The following GAS7 variants were observed in gnomAD, a reference collection of about 807,000 sequenced individuals.
GAS7 encodes growth arrest-specific protein 7.
GAS7 carries 28 observed loss-of-function variants against 71.1 expected under a neutral mutation model. That is an observed-to-expected ratio of 0.39 (90% confidence interval 0.29 to 0.54). The LOEUF (loss-of-function observed/expected upper bound fraction) is 0.54. Ranked by LOEUF, GAS7 falls within the 20% of genes least tolerant of loss-of-function variation. GAS7 has a pLI of 0.62. For synonymous variants in GAS7, 258 were observed against 245.8 expected (o/e 1.05, Z -0.46); for missense variants, 436 against 627.8 (o/e 0.69, Z 3.27).
chr17:10,081,376 G>A (rs553351379), intron 1 of GAS7, among the ~76,000 whole-genome samples: 18 of 152,182 alleles, frequency 1.2e-4, no homozygotes, highest in Non-Finnish European at 2.5e-4. Context: ...GGCTGGTCTC[G>A]AACTCCTGAC....
chr17:10,109,096 T>C (rs1337782883), intron 1 of GAS7, among the ~76,000 whole-genome samples: 1 of 151,678 alleles, frequency 6.6e-6, no homozygotes, highest in East Asian at 1.9e-4. Context: ...ATAGCCAGAA[T>C]ATACAAGGAA....
rs570737444 is a variant in GAS7 at position 10,061,826 on chromosome 17, C to G, written c.184-41929G>C. Among the ~76,000 whole-genome samples, 3 of 152,252 alleles carry G rather than the reference C, an allele frequency of 2.0e-5. No individual in the cohort carries two copies. In the South Asian group the frequency reaches 6.2e-4, roughly 32 times the overall value. On this transcript the variant is annotated intron_variant, in intron 1 of 13. Transcript: ENST00000432992. ...CAGGCCAGAACAGAGGAACTCTTTC[C>G]TCTCCTGGTTTCTAGGGGAACAATA...
intron 2 of GAS7, among the ~76,000 whole-genome samples, chr17:10,010,756 T>C (rs972105799): frequency 6.6e-6 from 1 of 152,212 alleles, no homozygotes; most frequent in Non-Finnish European, 1.5e-5. Flanking sequence ...TAGTGAAGTG[T>C]TATACATCTC....
At chr17:10,048,737 T>A (rs992752873) in intron 1 of GAS7, among the ~76,000 whole-genome samples, 7 of 152,184 alleles carry the variant, frequency 4.6e-5, no homozygotes, top group Non-Finnish European at 7.3e-5. Flanking sequence ...GTTAGAGGCA[T>A]GCAAGTGAAG....
At chr17:10,061,577 T>C (rs2073220672) in intron 1 of GAS7, among the ~76,000 whole-genome samples, 1 of 152,208 alleles carries the variant, frequency 6.6e-6, no homozygotes, top group South Asian at 2.1e-4. Flanking sequence ...ATATCCTCTT[T>C]TATGGCACAG....
chr17:9,994,008 C>T (rs1174867576), intron 2 of GAS7, among the ~76,000 whole-genome samples: 5 of 148,232 alleles, frequency 3.4e-5, no homozygotes, highest in African/African-American at 4.9e-5. Flanking sequence ...GAACTACAAA[C>T]CACTGCTCAA....
chr17:10,120,564 T>C (rs900758987), intron 1 of GAS7, among the ~76,000 whole-genome samples: 12 of 151,986 alleles, frequency 7.9e-5, no homozygotes, highest in African/African-American at 2.9e-4. Context: ...ATACCAAAAC[T>C]AGCTGGGTGT....
chr17:10,075,564 G>A lies in GAS7; in HGVS notation c.184-55667C>T, dbSNP rs192541546. On this transcript the variant is annotated intron_variant, in intron 1 of 13. Transcript: ENST00000432992. ...AATCCCAGCACTTTGGAAGGCCGAG[G>A]TGGGAGGATCACTTGAGCTGAGGAG... 3.9e-5 allele frequency among the ~76,000 whole-genome samples: 6 copies of A among 152,186 alleles called. No homozygotes were observed. The East Asian group carries it at 1.2e-3, about 29-fold the overall frequency.
chr17:10,072,159 T>C (rs910908651), intron 1 of GAS7, among the ~76,000 whole-genome samples: 2 of 151,924 alleles, frequency 1.3e-5, no homozygotes, highest in Non-Finnish European at 2.9e-5. Context: ...CCAGGATCCC[T>C]AGGGCTGGAG....
intron 1 of GAS7, among the ~76,000 whole-genome samples, chr17:10,146,305 T>C (rs761774187): frequency 2.6e-5 from 4 of 152,180 alleles, no homozygotes; most frequent in African/African-American, 4.8e-5. Context: ...ACCCACCTTC[T>C]TCCCGGGGCA....
At chr17:10,158,942 A>G (rs1199164256) in intron 1 of GAS7, among the ~76,000 whole-genome samples, 1 of 150,742 alleles carries the variant, frequency 6.6e-6, no homozygotes, top group Non-Finnish European at 1.5e-5. Context: ...ATGTAGTCCC[A>G]GATACTCGGG....
intron 1 of GAS7, among the ~76,000 whole-genome samples, chr17:10,079,075 G>A (rs1567583049): frequency 6.6e-6 from 1 of 152,134 alleles, no homozygotes; most frequent in Non-Finnish European, 1.5e-5. Context: ...CAAAGCAGAG[G>A]ATGCAGTGAG....
chr17:9,996,300 T>C (rs568503528), intron 2 of GAS7, among the ~76,000 whole-genome samples: 4 of 151,640 alleles, frequency 2.6e-5, no homozygotes, highest in Non-Finnish European at 5.9e-5. Flanking sequence ...AAACCATCAT[T>C]CTCAGCAAAC....
At chr17:10,071,927 AC>A (rs939554905) in intron 1 of GAS7, among the ~76,000 whole-genome samples, 22 of 138,950 alleles carry the variant, frequency 1.6e-4, no homozygotes, top group African/African-American at 6.2e-4. Flanking sequence ...ACAGAGTGAG[AC>A]TCCATCTCAA....
intron 2 of GAS7, among the ~76,000 whole-genome samples, chr17:10,010,119 A>G (rs1426028985): frequency 3.3e-5 from 5 of 151,836 alleles, no homozygotes; most frequent in Admixed American, 2.6e-4. Context: ...TCATTTCTAT[A>G]TATGTAAAAC....
At chr17:9,994,996 A>G (rs946259277) in intron 2 of GAS7, among the ~76,000 whole-genome samples, 10 of 152,214 alleles carry the variant, frequency 6.6e-5, no homozygotes, top group Non-Finnish European at 1.3e-4. Flanking sequence ...TGACGTGGCA[A>G]CGGAAGAGTC....
At chr17:10,197,169 T>TC (rs1017081867) in intron 1 of GAS7, among the ~76,000 whole-genome samples, 2 of 151,972 alleles carry the variant, frequency 1.3e-5, no homozygotes, top group African/African-American at 2.4e-5. Context: ...CTTTCTTTCT[T>TC]CCCCCCGCCC....
intron 2 of GAS7, among the ~76,000 whole-genome samples, chr17:9,990,145 T>C (rs1252038249): frequency 2.0e-5 from 3 of 152,146 alleles, no homozygotes; most frequent in Non-Finnish European, 1.5e-5. Context: ...GGCAGGCACC[T>C]GTAGTCCCAG....
intron 1 of GAS7, among the ~76,000 whole-genome samples, chr17:10,029,960 G>T (rs1026768525): frequency 6.6e-6 from 1 of 152,106 alleles, no homozygotes; most frequent in African/African-American, 2.4e-5. Flanking sequence ...GAAACAAAAC[G>T]CTGACCTTCC....
Sources: allele counts gnomAD v4.1 joint callset (sites outside exome capture counted in the v4.1 genomes callset), GRCh38; gene constraint gnomAD v4.1.1; transcripts MANE v1.5; gene names NCBI Gene and HGNC (gene_info 2026-07-23, HGNC 2026-07-21).